Variants in STARD13 observed in about 807,000 individuals in gnomAD.
STARD13 encodes stAR-related lipid transfer protein 13.
STARD13 carries 62 observed loss-of-function variants against 106.4 expected under a neutral mutation model. That is an observed-to-expected ratio of 0.58 (90% CI 0.48 to 0.72). STARD13 has a LOEUF of 0.72. STARD13 is among the 30% of genes least tolerant of loss of function. The pLI, the probability that STARD13 is intolerant of heterozygous loss-of-function variation, is 0.00. For synonymous variants in STARD13, 565 were observed against 553.0 expected (o/e 1.02, Z -0.31); for missense variants, 1,387 against 1,424.0 (o/e 0.97, Z 0.42).
the STARD13 span, among the ~76,000 whole-genome samples, chr13:33,515,894 C>A: frequency 6.6e-6 from 1 of 151,940 alleles, no homozygotes; most frequent in Non-Finnish European, 1.5e-5. Flanking sequence ...TCCACTAATT[C>A]TCTGTTGCCC....
chr13:33,148,563 C>T (rs994589620), intron 3 of STARD13, among the ~76,000 whole-genome samples: 1 of 152,186 alleles, frequency 6.6e-6, no homozygotes, highest in African/African-American at 2.4e-5. Flanking sequence ...ATCTAAAACA[C>T]TGACAACACT....
At chr13:33,559,701 C>T in the STARD13 span, among the ~76,000 whole-genome samples, 9 of 151,352 alleles carry the variant, frequency 5.9e-5, 1 homozygote, top group African/African-American at 1.2e-4. Flanking sequence ...ACTAAAAATA[C>T]AAAACATTAG....
chr13:33,315,966 T>C (rs1893317828), intron 1 of STARD13, among the ~76,000 whole-genome samples: 1 of 152,146 alleles, frequency 6.6e-6, no homozygotes, highest in Admixed American at 6.5e-5. Flanking sequence ...GGTTACTGTG[T>C]TGTCGTGCAT....
the STARD13 span, among the ~76,000 whole-genome samples, chr13:33,405,900 T>C: frequency 1.3e-5 from 2 of 152,218 alleles, no homozygotes; most frequent in East Asian, 1.9e-4. Flanking sequence ...GTAATAATAA[T>C]AGCTAACATG....
At chr13:33,650,197 T>TTTTTTTTTTG in the STARD13 span, among the ~76,000 whole-genome samples, 1 of 105,890 alleles carries the variant, frequency 9.4e-6, no homozygotes, top group East Asian at 2.7e-4. Flanking sequence ...TTTTTTTTTT[T>TTTTTTTTTTG]TTTTTTTTTT....
At chr13:33,391,845 G>C in the STARD13 span, among the ~76,000 whole-genome samples, 3 of 152,120 alleles carry the variant, frequency 2.0e-5, no homozygotes, top group Non-Finnish European at 4.4e-5. Flanking sequence ...CTGCCACATG[G>C]AAGAGGCCTC....
At chr13:33,652,737 G>A in the STARD13 span, among the ~76,000 whole-genome samples, 2 of 151,976 alleles carry the variant, frequency 1.3e-5, no homozygotes, top group African/African-American at 4.8e-5. Context: ...ACTTCTTTGA[G>A]CTTTGGTTTC....
At chr13:33,305,820 T>C (rs1407572099) in intron 1 of STARD13, among the ~76,000 whole-genome samples, 1 of 152,234 alleles carries the variant, frequency 6.6e-6, no homozygotes, top group Non-Finnish European at 1.5e-5. Flanking sequence ...GTGCTTATCT[T>C]ATACCCATCA....
rs535527809 is a variant in STARD13 at position 33,233,290 on chromosome 13, G to T, written c.169+52180C>A. Among the ~76,000 whole-genome samples, 16 of 152,236 alleles carry T rather than the reference G, an allele frequency of 1.1e-4. No homozygotes were observed. In the South Asian group the frequency reaches 2.3e-3, roughly 22 times the overall value. ...ACATATACCTACCCTTTCCTAATTG[G>T]TTTTCTACACTGTCAGGCCCACCTT... On this transcript the variant is annotated intron_variant, in intron 1 of 13. Coordinates refer to ENST00000336934, the MANE Select transcript of STARD13 (RefSeq NM_178006.4).
the STARD13 span, among the ~76,000 whole-genome samples, chr13:33,495,797 A>G: frequency 6.8e-6 from 1 of 147,964 alleles, no homozygotes; most frequent in African/African-American, 2.5e-5. Context: ...AAGTATTATA[A>G]TATAATCATT....
intron 1 of STARD13, among the ~76,000 whole-genome samples, chr13:33,308,256 A>AAAAT (rs112328390): frequency 0.036 from 5,554 of 152,296 alleles, 334 homozygotes; most frequent in African/African-American, 0.12. Flanking sequence ...TCTTCTAACT[A>AAAAT]AAATGTTCCT....
intron 1 of STARD13, among the ~76,000 whole-genome samples, chr13:33,298,589 A>T (rs73468188): frequency 6.6e-6 from 1 of 151,110 alleles, no homozygotes; most frequent in African/African-American, 2.4e-5. Context: ...TCCATATCTT[A>T]AAAAAAAAGG....
chr13:33,361,399 A>G, the STARD13 span, among the ~76,000 whole-genome samples: 2 of 152,204 alleles, frequency 1.3e-5, no homozygotes, highest in East Asian at 3.9e-4. Flanking sequence ...AGGCTTCCAA[A>G]TTAACAGTAG....
chr13:33,148,172 G>A lies in STARD13; in HGVS notation c.324-5799C>T, dbSNP rs190076099. ...CTTTGAATAAAGTGATGACCTTTTA[G>A]ATTCAACACCACAGGCCTGGTCCAT... On this transcript the variant is annotated intron_variant, in intron 3 of 13. Transcript: ENST00000336934. Among the ~76,000 whole-genome samples, 895 of 152,272 alleles carry A rather than the reference G, an allele frequency of 5.9e-3. 14 individuals are homozygous for A. The highest frequency in any genetic ancestry group is 0.02 in the African/African-American group (844 of 41,546).
the STARD13 span, among the ~76,000 whole-genome samples, chr13:33,512,225 C>T: frequency 3.3e-5 from 5 of 152,122 alleles, no homozygotes; most frequent in African/African-American, 9.7e-5. Context: ...TAAGATCAAT[C>T]TTAGGAGATT....
At chr13:33,624,808 C>A in the STARD13 span, among the ~76,000 whole-genome samples, 21 of 152,358 alleles carry the variant, frequency 1.4e-4, no homozygotes, top group African/African-American at 4.6e-4. Flanking sequence ...TTGCCCAAGG[C>A]CACCCAGCTG....
intron 1 of STARD13, among the ~76,000 whole-genome samples, chr13:33,204,204 G>A (rs1257608649): frequency 1.3e-5 from 2 of 152,202 alleles, no homozygotes; most frequent in Non-Finnish European, 2.9e-5. Flanking sequence ...GTCAGCATGT[G>A]TCAGCACATG....
chr13:33,232,299 C>A (rs923387274), intron 1 of STARD13, among the ~76,000 whole-genome samples: 11 of 152,134 alleles, frequency 7.2e-5, no homozygotes, highest in African/African-American at 2.4e-4. Context: ...GGTGACAGAG[C>A]AAGACTCTGT....
the STARD13 span, among the ~76,000 whole-genome samples, chr13:33,668,082 C>A: frequency 1.3e-5 from 2 of 152,316 alleles, no homozygotes; most frequent in South Asian, 4.1e-4. Context: ...TTTCTTCCAC[C>A]ATGTGGCTGC....
Sources: allele counts gnomAD v4.1 joint callset (sites outside exome capture counted in the v4.1 genomes callset), GRCh38; gene constraint gnomAD v4.1.1; transcripts MANE v1.5; gene names NCBI Gene and HGNC (gene_info 2026-07-23, HGNC 2026-07-21).